TRAPPC11: variants seen among roughly 807,000 people sequenced by gnomAD.
The protein encoded by TRAPPC11 is trafficking protein particle complex subunit 11.
Under a neutral mutation model 151.2 loss-of-function variants are expected in TRAPPC11, and 104 were observed. The observed-to-expected ratio is 0.69, with a 90% CI of 0.59 to 0.81. The LOEUF (loss-of-function observed/expected upper bound fraction) is 0.81. Among genes scored for constraint, TRAPPC11 ranks in the 30% least tolerant of loss-of-function variants. The pLI is 0.00. For synonymous variants in TRAPPC11, 456 were observed against 472.3 expected, an observed-to-expected ratio of 0.97 and a Z score of 0.45; for missense variants, 1,230 against 1,349.6, an observed-to-expected ratio of 0.91 and a Z score of 1.39.
chr4:183,690,064 G>A (rs114863169), intron 18 of TRAPPC11, among the ~76,000 whole-genome samples: 3,376 of 152,168 alleles, frequency 0.022, 65 homozygotes, highest in Middle Eastern at 0.048. Context: ...TTAGCTGAGC[G>A]TGGTGGCGGG....
At position 183,665,240 on chromosome 4, in the gene TRAPPC11, G is replaced by A. The variant is rs187386655; in HGVS notation, c.205-1017G>A. Among the ~76,000 whole-genome samples the A allele has an allele frequency of 7.4e-4, 112 of 151,800 alleles. 1 individual carries two copies. Among genetic ancestry groups the A allele is most frequent in the South Asian group, 2.7e-3 (13 of 4,800 alleles). ...CTCCCGAGTGGCTGGGACTACAGGC[G>A]CCCGCCACCACGTCCAGCTAATTTT... On this transcript the variant is annotated intron_variant, in intron 2 of 29. Transcript: ENST00000334690.
intron 5 of TRAPPC11, 110 bp downstream of exon 5, chr4:183,668,227 A>G (rs1579162074): frequency 3.2e-6 from 2 of 633,196 alleles, no homozygotes; most frequent in East Asian, 5.5e-5. Flanking sequence ...AAAAACATTC[A>G]TATGATACAG....
At chr4:183,667,181 T>C (rs1199904521) in intron 4 of TRAPPC11, 51 bp downstream of exon 4, 3 of 1,453,090 alleles carry the variant, frequency 2.1e-6, no homozygotes, top group Middle Eastern at 1.9e-4. Flanking sequence ...CCAATTCTTA[T>C]TAAAGGGAGA....
intron 5 of TRAPPC11, among the ~76,000 whole-genome samples, chr4:183,673,835 C>T (rs1208550970): frequency 2.0e-5 from 3 of 152,194 alleles, no homozygotes; most frequent in Non-Finnish European, 4.4e-5. Flanking sequence ...CTCCTGATAA[C>T]TTCTTTTCAC....
At chr4:183,665,834 A>G (rs796361913) in intron 2 of TRAPPC11, among the ~76,000 whole-genome samples, 2 of 152,172 alleles carry the variant, frequency 1.3e-5, no homozygotes, top group African/African-American at 4.8e-5. Flanking sequence ...AACAAAGCCT[A>G]TTGGATTTTA....
At chr4:183,672,459 T>G (rs1303928970) in intron 5 of TRAPPC11, among the ~76,000 whole-genome samples, 2 of 152,218 alleles carry the variant, frequency 1.3e-5, no homozygotes, top group Non-Finnish European at 2.9e-5. Context: ...GTAAGAGAAT[T>G]GGTCTTTTCA....
At position 183,708,577 on chromosome 4, in the gene TRAPPC11, A is replaced by G; in HGVS notation, c.3357+3A>G. On this transcript the variant is annotated splice_donor_region_variant and intron_variant, in intron 29 of 29. Coordinates refer to ENST00000334690, the MANE Select transcript of TRAPPC11 (RefSeq NM_021942.6). ...TACCTACCAGTATTTTTGTCAAGGT[A>G]AAGCTTAGCAATTTTCTGCTTTTTA... 1 of 1,605,858 alleles carries G rather than the reference A, an allele frequency of 6.2e-7. No homozygotes were observed. The highest frequency in any genetic ancestry group is 8.5e-7 in the Non-Finnish European group (1 of 1,178,174).
chr4:183,705,799 A>G (rs977243686), intron 27 of TRAPPC11: 2 of 152,208 alleles, frequency 1.3e-5, no homozygotes, highest in African/African-American at 4.8e-5. Flanking sequence ...TTCATAGTGT[A>G]TGTGCTCCCA....
In TRAPPC11 at chr4:183,712,744, C is replaced by A; in HGVS notation, c.*100C>A. 2.4e-6 allele frequency: 3 copies of A among 1,247,680 alleles called. No individual in the cohort carries two copies. Among genetic ancestry groups the A allele is most frequent in the South Asian group, 1.3e-5 (1 of 77,788 alleles). 77.3% of individuals were successfully genotyped at this position (1,247,680 alleles called of 1,614,324 possible). On this transcript the variant is annotated 3_prime_UTR_variant, in exon 30 of 30. Transcript: ENST00000334690. ...AGCTTTGATCATGGTAAAAAGTTAA[C>A]CTTTTCTATTTTTTAATGGATGTTA...
rs140497615 is a variant in TRAPPC11 at position 183,704,518 on chromosome 4, CA to C, written c.2964-442del. ...CCTGGGTGAGAGAGTGAGACTGTCTCAAAAAAAAAAAAAAAAAAATTGGCCA... is the reference window on the plus strand; with the variant it reads ...CCTGGGTGAGAGAGTGAGACTGTCTCAAAAAAAAAAAAAAAAAATTGGCCA... On this transcript the variant is annotated intron_variant, in intron 26 of 29. Coordinates refer to ENST00000334690, the MANE Select transcript of TRAPPC11 (RefSeq NM_021942.6). Among the ~76,000 whole-genome samples the C allele has an allele frequency of 9.4e-3, 815 of 86,408 alleles. 4 individuals are homozygous for C. Among genetic ancestry groups the C allele is most frequent in the African/African-American group, 0.024 (571 of 23,986 alleles). 56.7% of individuals were successfully genotyped at this position (86,408 alleles called of 152,430 possible).
rs749222390 is a variant in TRAPPC11, at chr4:183,680,099, CT to C, written c.966-19del. On this transcript the variant is annotated intron_variant, in intron 9 of 29. Transcript: ENST00000334690. ...TTTTTCTTTTCATTCCTCTTTATTT[CT>C]TGATTTTCTTTTCTTTAAGATTCCA... 1 of 1,591,572 alleles carries C rather than the reference CT, an allele frequency of 6.3e-7. No homozygotes were observed. Among genetic ancestry groups the C allele is most frequent in the South Asian group, 1.2e-5 (1 of 86,570 alleles).
At chr4:183,664,164 C>A in intron 2 of TRAPPC11, 93 bp downstream of exon 2, 3 of 1,146,312 alleles carry the variant, frequency 2.6e-6, no homozygotes, top group Non-Finnish European at 3.9e-6. Flanking sequence ...TGGAGTTTAT[C>A]AAGACAGTGG....
chr4:183,680,981 C>G (rs1173236313), intron 10 of TRAPPC11, among the ~76,000 whole-genome samples: 1 of 151,966 alleles, frequency 6.6e-6, no homozygotes, highest in Non-Finnish European at 1.5e-5. Flanking sequence ...GCGTGAGCCA[C>G]CGCGCCTGGC....
At chr4:183,670,063 A>T (rs1345230973) in intron 5 of TRAPPC11, among the ~76,000 whole-genome samples, 1 of 152,208 alleles carries the variant, frequency 6.6e-6, no homozygotes, top group Non-Finnish European at 1.5e-5. Context: ...CTTCAGATTT[A>T]TATTTTATCT....
chr4:183,684,446 A>G, intron 14 of TRAPPC11, 87 bp downstream of exon 14: 1 of 1,265,316 alleles, frequency 7.9e-7, no homozygotes, highest in East Asian at 2.3e-5. Context: ...AGGAGTTCGT[A>G]TTTTCATATT....
In TRAPPC11 at chr4:183,659,339, C is replaced by T. The variant is rs930101474; in HGVS notation, c.-130C>T. On this transcript the variant is annotated 5_prime_UTR_variant, in exon 1 of 30. Coordinates refer to ENST00000334690, the MANE Select transcript of TRAPPC11 (RefSeq NM_021942.6). Reference sequence around the variant, plus strand: ...GTTGGAACTGGCTGTGGGGCTGCGGCGGTGGGGACGGGCCACGGCGTTCTG... The same window carrying T: ...GTTGGAACTGGCTGTGGGGCTGCGGTGGTGGGGACGGGCCACGGCGTTCTG... 4 of 196,502 alleles carry T rather than the reference C, an allele frequency of 2.0e-5. No homozygotes were observed. The East Asian group carries it at 3.3e-4, about 16-fold the overall frequency. 12.2% of individuals were successfully genotyped at this position (196,502 alleles called of 1,614,324 possible).
At chr4:183,704,541 G>T (rs1413299058) in intron 26 of TRAPPC11, among the ~76,000 whole-genome samples, 1 of 139,032 alleles carries the variant, frequency 7.2e-6, no homozygotes, top group Non-Finnish European at 1.6e-5. Context: ...AAAAAAATTG[G>T]CCAGGCGCAT....
intron 25 of TRAPPC11, among the ~76,000 whole-genome samples, chr4:183,698,968 C>T (rs185067269): frequency 3.2e-4 from 49 of 152,332 alleles, no homozygotes; most frequent in Non-Finnish European, 6.0e-4. Context: ...GCCATCCTCA[C>T]CATTTCTCTC....
chr4:183,694,635 C>A lies in TRAPPC11; in HGVS notation c.2540C>A (p.Thr847Lys). The A allele has an allele frequency of 6.2e-7, 1 of 1,612,978 alleles. No homozygotes were observed. Among genetic ancestry groups the A allele is most frequent in the East Asian group, 2.2e-5 (1 of 44,778 alleles). Residue 847 changes from threonine to lysine, a missense_variant, in exon 23 of 30, where the codon ACA becomes AAA. Thr to Lys is a moderately conservative substitution (Grantham distance 78). Transcript: ENST00000334690. ...LEKMLYVRCG[T>K]VGSRMFLVYV... ...AAAATGTTGTATGTTCGCTGTGGAACAGTGGGTTCCAGAATGTTTCTTGTA... is the reference window on the plus strand; with the variant it reads ...AAAATGTTGTATGTTCGCTGTGGAAAAGTGGGTTCCAGAATGTTTCTTGTA...
Sources: gnomAD v4.1 joint callset for allele counts (sites outside exome capture counted in the v4.1 genomes callset) on GRCh38, gnomAD v4.1.1 for gene constraint, MANE v1.5 for transcripts, NCBI Gene and HGNC (gene_info 2026-07-23, HGNC 2026-07-21) for gene names.